Variants in CDKAL1 observed in about 807,000 individuals in gnomAD.
CDKAL1 encodes CDKAL1 threonylcarbamoyladenosine tRNA methylthiotransferase, also known as threonylcarbamoyladenosine tRNA methylthiotransferase.
In CDKAL1, 32 loss-of-function variants were observed where a neutral mutation model predicts 68.2. The ratio of observed to expected loss-of-function variants is 0.47; its 90% CI spans 0.35 to 0.63. CDKAL1 has a LOEUF of 0.63. Among genes scored for constraint, CDKAL1 ranks in the 30% least tolerant of loss-of-function variants. The probability of loss-of-function intolerance (pLI) is 0.00; values close to 1 mark genes in which losing one functional copy is unlikely to be tolerated. For synonymous variants in CDKAL1, 234 were observed against 244.3 expected, an observed-to-expected ratio of 0.96 and a Z score of 0.39; for missense variants, 606 against 696.7, an observed-to-expected ratio of 0.87 and a Z score of 1.47.
chr6:21,174,627 G>A (rs186692507), intron 13 of CDKAL1, among the ~76,000 whole-genome samples: 59 of 152,078 alleles, frequency 3.9e-4, no homozygotes, highest in African/African-American at 1.4e-3. Flanking sequence ...TTGGGTGTAG[G>A]TAAGAAAACC....
intron 4 of CDKAL1, among the ~76,000 whole-genome samples, chr6:20,609,447 A>G (rs1412685901): frequency 2.1e-5 from 3 of 144,574 alleles, no homozygotes; most frequent in East Asian, 2.1e-4. Context: ...CCAGGCTAGA[A>G]TGCAGTGGCA....
chr6:20,652,097 AGTT>A (rs1284476830), intron 5 of CDKAL1, among the ~76,000 whole-genome samples: 1 of 152,108 alleles, frequency 6.6e-6, no homozygotes. Context: ...CCTTGTTTTC[AGTT>A]GTTTGGAGTA....
intron 5 of CDKAL1, among the ~76,000 whole-genome samples, chr6:20,725,559 C>T (rs1022500960): frequency 7.2e-5 from 11 of 151,756 alleles, no homozygotes; most frequent in East Asian, 5.8e-4. Context: ...CTGAGGCAGG[C>T]GGATCACCTG....
chr6:20,634,852 C>G (rs1430743162), intron 4 of CDKAL1, among the ~76,000 whole-genome samples: 1 of 151,874 alleles, frequency 6.6e-6, no homozygotes. Context: ...TGGCTCATGC[C>G]TGTAATCCCA....
chr6:20,923,341 T>G (rs1350069013), intron 9 of CDKAL1, among the ~76,000 whole-genome samples: 1 of 152,244 alleles, frequency 6.6e-6, no homozygotes, highest in Non-Finnish European at 1.5e-5. Flanking sequence ...TTCAAGCAAT[T>G]CTCTCAGCAC....
chr6:20,924,532 T>G (rs1763099185), intron 9 of CDKAL1, among the ~76,000 whole-genome samples: 1 of 152,216 alleles, frequency 6.6e-6, no homozygotes, highest in Non-Finnish European at 1.5e-5. Context: ...GAAACAACCT[T>G]ATTGCTGATA....
rs772880085 is a variant in CDKAL1 at position 21,116,754 on chromosome 6, T to G, written c.1299+8291T>G. ...TTCATGATGAAATCCTTTGCTAACA[T>G]TCAGTATAAAAGTATTAATAAATTA... is the stretch of plus-strand genomic sequence containing the variant. On this transcript the variant is annotated intron_variant, in intron 13 of 15. Transcript: ENST00000274695. Among the ~76,000 whole-genome samples, 5 of 152,338 alleles carry G rather than the reference T, an allele frequency of 3.3e-5. No homozygotes were observed. The South Asian group carries it at 6.2e-4, about 19-fold the overall frequency.
At chr6:20,704,775 C>G (rs979487221) in intron 5 of CDKAL1, among the ~76,000 whole-genome samples, 3 of 152,132 alleles carry the variant, frequency 2.0e-5, no homozygotes, top group Non-Finnish European at 4.4e-5. Context: ...CTGTGAATCT[C>G]TTTGTGATTT....
intron 4 of CDKAL1, among the ~76,000 whole-genome samples, chr6:20,596,324 A>G: frequency 6.6e-6 from 1 of 152,114 alleles, no homozygotes; most frequent in East Asian, 1.9e-4. Context: ...TAAGCCTCTG[A>G]CTGGGGCTGT....
chr6:21,115,333 T>A (rs1194481556), intron 13 of CDKAL1, among the ~76,000 whole-genome samples: 1 of 152,208 alleles, frequency 6.6e-6, no homozygotes, highest in African/African-American at 2.4e-5. Flanking sequence ...GTGCTTTGAG[T>A]TGTTTTTCTA....
intron 9 of CDKAL1, among the ~76,000 whole-genome samples, chr6:20,906,813 C>A (rs1762249054): frequency 1.3e-5 from 2 of 152,080 alleles, no homozygotes; most frequent in African/African-American, 4.8e-5. Context: ...TAAGTCCCTT[C>A]TTATCAGTCA....
chr6:21,032,694 C>T (rs1331982363), intron 11 of CDKAL1, among the ~76,000 whole-genome samples: 17 of 152,062 alleles, frequency 1.1e-4, no homozygotes, highest in Admixed American at 1.1e-3. Flanking sequence ...CAGTTGCCTG[C>T]AGTGTTCAGT....
At chr6:20,610,178 A>G (rs1421921301) in intron 4 of CDKAL1, among the ~76,000 whole-genome samples, 5 of 152,104 alleles carry the variant, frequency 3.3e-5, no homozygotes, top group African/African-American at 1.2e-4. Context: ...TCAGTCTCCC[A>G]TTGATGGACA....
rs1364365809 is a variant in CDKAL1 at position 21,063,548 on chromosome 6, C to A, written c.1056-1500C>A. ...GTTCTTTAGTGGTGGAAAGTCTCAA[C>A]CGTGAATGAGAGTAATCAACAGACA... On this transcript the variant is annotated intron_variant, in intron 11 of 15. Coordinates refer to ENST00000274695, the MANE Select transcript of CDKAL1 (RefSeq NM_017774.3). Among the ~76,000 whole-genome samples the A allele has an allele frequency of 2.6e-5, 4 of 152,166 alleles. No homozygotes were observed. In the East Asian group the frequency reaches 7.8e-4, roughly 30 times the overall value.
intron 5 of CDKAL1, among the ~76,000 whole-genome samples, chr6:20,713,642 C>T (rs1416926878): frequency 6.6e-6 from 1 of 152,112 alleles, no homozygotes; most frequent in African/African-American, 2.4e-5. Context: ...AATTCATACA[C>T]TGTACAATGA....
chr6:20,770,903 C>G (rs1437487261), intron 7 of CDKAL1, among the ~76,000 whole-genome samples: 2 of 152,048 alleles, frequency 1.3e-5, no homozygotes, highest in Admixed American at 1.3e-4. Context: ...TCAGTGTCAC[C>G]TCTCCCTGAA....
chr6:21,090,913 T>G (rs1772978296), intron 12 of CDKAL1, among the ~76,000 whole-genome samples: 1 of 150,510 alleles, frequency 6.6e-6, no homozygotes, highest in Admixed American at 6.7e-5. Context: ...CACACGATCC[T>G]CCTGCCTCAG....
chr6:21,039,145 C>G (rs2150891612), intron 11 of CDKAL1, among the ~76,000 whole-genome samples: 1 of 152,294 alleles, frequency 6.6e-6, no homozygotes, highest in Admixed American at 6.5e-5. Context: ...CAAGCTCCGC[C>G]TTCTCTCAGA....
chr6:21,025,745 A>C (rs542470674), intron 11 of CDKAL1, among the ~76,000 whole-genome samples: 61 of 152,292 alleles, frequency 4.0e-4, no homozygotes, highest in African/African-American at 1.4e-3. Context: ...AGCTGTAAAG[A>C]AGTTTATCAA....
Sources: allele counts gnomAD v4.1 joint callset (sites outside exome capture counted in the v4.1 genomes callset), GRCh38; gene constraint gnomAD v4.1.1; transcripts MANE v1.5; gene names NCBI Gene and HGNC (gene_info 2026-07-23, HGNC 2026-07-21).